MAN2B1: variants seen among roughly 807,000 people sequenced by gnomAD.
MAN2B1 encodes mannosidase alpha class 2B member 1.
A neutral mutation model predicts 127.5 loss-of-function variants in MAN2B1; 99 were observed. The observed-to-expected ratio is 0.78, with a 90% CI of 0.66 to 0.92. The LOEUF (loss-of-function observed/expected upper bound fraction) is 0.92. Ranked by LOEUF, MAN2B1 falls within the 40% of genes least tolerant of loss-of-function variation. MAN2B1 has a pLI of 0.00. For synonymous variants in MAN2B1, 573 were observed against 568.8 expected, an observed-to-expected ratio of 1.01 and a Z score of -0.11; for missense variants, 1,304 against 1,384.8, an observed-to-expected ratio of 0.94 and a Z score of 0.93.
chr19:12,654,455 CACAA>C (rs1311480332), intron 14 of MAN2B1, among the ~76,000 whole-genome samples: 1 of 152,124 alleles, frequency 6.6e-6, no homozygotes, highest in African/African-American at 2.4e-5. Flanking sequence ...GTCTGTTCCC[CACAA>C]CAGCCAGAGC....
At position 12,647,268 on chromosome 19, in the gene MAN2B1, TC is replaced by T. The variant is rs2145220124; in HGVS notation, c.2887del (p.Glu963ArgfsTer70). On this transcript the variant is annotated frameshift_variant, in exon 23 of 24. Transcript: ENST00000456935. LOFTEE classifies it low-confidence loss of function (END_TRUNC). The surrounding 1 kb of genome is among the most constrained non-coding windows in gnomAD (Gnocchi z 4.9). ...TGTCCACTTGAGCCTGGAGGCTGCC[TC>T]GCGGAGCTGGTTGGCCACCAGCGTG... ...ETTLVANQLR[E>X]AASRLKWTTN... The T allele has an allele frequency of 1.9e-6, 3 of 1,614,056 alleles. No homozygotes were observed. Among genetic ancestry groups the T allele is most frequent in the Non-Finnish European group, 2.5e-6 (3 of 1,179,988 alleles).
intron 7 of MAN2B1, among the ~76,000 whole-genome samples, chr19:12,659,483 A>G (rs543071748): frequency 2.6e-5 from 4 of 151,856 alleles, no homozygotes; most frequent in Non-Finnish European, 5.9e-5. Context: ...TAGTATTTTT[A>G]GTAGAGACAA....
Position 12,665,526 on chromosome 19 carries a change from C to T in MAN2B1, c.263-1G>A, listed in dbSNP as rs752784885. Reference sequence around the variant, plus strand: ...CCGGCGTGCTGGATGTCATTCTTGACTGTGGATAACAGGGATAAGGCTCTC... The same window carrying T: ...CCGGCGTGCTGGATGTCATTCTTGATTGTGGATAACAGGGATAAGGCTCTC... On this transcript the variant is annotated splice_acceptor_variant, in intron 2 of 23. Transcript: ENST00000456935. LOFTEE classifies it high-confidence loss of function. The T allele has an allele frequency of 6.2e-7, 1 of 1,614,048 alleles. No homozygotes were observed. The highest frequency in any genetic ancestry group is 8.5e-7 in the Non-Finnish European group (1 of 1,180,038).
rs2023725625 is a variant in MAN2B1 at position 12,647,645 on chromosome 19, A to AT, written c.2665-48dup. 1.3e-6 allele frequency: 2 copies of AT among 1,509,848 alleles called. No individual in the cohort carries two copies. Among genetic ancestry groups the AT allele is most frequent in the East Asian group, 2.4e-5 (1 of 41,508 alleles). 93.5% of individuals were successfully genotyped at this position (1,509,848 alleles called of 1,614,324 possible). A position where few individuals can be genotyped will look rare whatever the true frequency, so the allele number is the denominator to read the frequency against. On this transcript the variant is annotated intron_variant, in intron 21 of 23. Coordinates refer to ENST00000456935, the MANE Select transcript of MAN2B1 (RefSeq NM_000528.4). The surrounding 1 kb of genome is among the most constrained non-coding windows in gnomAD (Gnocchi z 4.9). The stretch of plus-strand genomic sequence containing the variant: ...TGAGTTGGAGAGGGGCGGGGCCTGG[A>AT]TGGAGAAGGGCGGGGCCGAGCCAGG...
chr19:12,657,652 A>C, intron 10 of MAN2B1, 97 bp from the exon 11 acceptor site: 1 of 1,108,018 alleles, frequency 9.0e-7, no homozygotes. Flanking sequence ...GGATTCTTAG[A>C]GGCTTTAAGA....
intron 13 of MAN2B1, 65 bp from the exon 14 acceptor site, chr19:12,655,944 C>T (rs1363833596): frequency 3.7e-5 from 50 of 1,367,872 alleles, no homozygotes; most frequent in Non-Finnish European, 5.0e-5. Flanking sequence ...TGCATGGAGA[C>T]AAAAAACTCA....
intron 7 of MAN2B1, among the ~76,000 whole-genome samples, chr19:12,659,336 C>G (rs1024284144): frequency 1.4e-4 from 20 of 138,322 alleles, no homozygotes; most frequent in African/African-American, 4.6e-4. Context: ...GAGTCTGACT[C>G]TGTCGCCCAA....
intron 1 of MAN2B1, 143 bp downstream of exon 1, chr19:12,666,400 G>A: frequency 2.2e-6 from 2 of 922,150 alleles, no homozygotes; most frequent in Non-Finnish European, 1.7e-6. Context: ...ACCTCGCAAT[G>A]ACACAAAGCA....
chr19:12,654,921 C>T (rs1368984800), intron 14 of MAN2B1, among the ~76,000 whole-genome samples: 2 of 152,182 alleles, frequency 1.3e-5, no homozygotes, highest in African/African-American at 4.8e-5. Context: ...CCACCTCAGC[C>T]TCCCGTGGTG....
Position 12,652,453 on chromosome 19 carries a change from C to T in MAN2B1, c.1838G>A (p.Arg613Gln), listed in dbSNP as rs543222535. The T allele has an allele frequency of 1.6e-4, 257 of 1,613,658 alleles. 1 individual carries two copies. In the South Asian group the frequency reaches 1.9e-3, roughly 12 times the overall value. The stretch of plus-strand genomic sequence containing the variant: ...CCCTGTGTCAGGATCAAACGTTGCC[C>T]GGATGTGCTGGGCAGAAAAGGGTCC... ...PALTIENEHI[R>Q]ATFDPDTGLL... The change falls in exon 15 of 24, where the codon CGG becomes CAG. Residue 613 changes from arginine (R) to glutamine (Q), a missense_variant. Coordinates refer to ENST00000456935, the MANE Select transcript of MAN2B1 (RefSeq NM_000528.4).
Position 12,663,352 on chromosome 19 carries a change from G to C in MAN2B1, c.874C>G (p.Leu292Val). The change falls in exon 6 of 24, where the codon CTG becomes GTG. Residue 292 changes from leucine (L) to valine (V), a missense_variant. Leu to Val is a conservative substitution (Grantham distance 32, BLOSUM62 1). Transcript: ENST00000456935. ...GCCACATTTAGGAAGTAATCGACCA[G>C]CTCCTTGGCGTTGTACTCGGGGCTG... ...PRSPEYNAKELVDYFLNVATA... is the reference protein window; with the variant it reads ...PRSPEYNAKEVVDYFLNVATA... 6.2e-7 allele frequency: 1 copy of C among 1,614,228 alleles called. No homozygotes were observed. The highest frequency in any genetic ancestry group is 8.5e-7 in the Non-Finnish European group (1 of 1,180,040).
chr19:12,649,476 T>TA, intron 18 of MAN2B1, 48 bp from the exon 19 acceptor site: 39 of 653,502 alleles, frequency 6.0e-5, no homozygotes, highest in Non-Finnish European at 8.6e-5. Context: ...GCTCCCCAAC[T>TA]CTTTTTTTTT....
Position 12,661,824 on chromosome 19 carries a change from GA to G in MAN2B1, c.910-449del, listed in dbSNP as rs541166219. Among the ~76,000 whole-genome samples, 470 of 130,938 alleles carry G rather than the reference GA, an allele frequency of 3.6e-3. 6 individuals carry two copies. The South Asian group carries it at 0.057, about 16-fold the overall frequency. 85.9% of individuals were successfully genotyped at this position (130,938 alleles called of 152,430 possible). A position where few individuals can be genotyped will look rare whatever the true frequency, so the allele number is the denominator to read the frequency against. Reference sequence around the variant, plus strand: ...GCCACACAGCAAGACCCTGTCTCAAGAAAAAAAAAAAAAATTAATCTAAAAC... The same window carrying G: ...GCCACACAGCAAGACCCTGTCTCAAGAAAAAAAAAAAAATTAATCTAAAAC... On this transcript the variant is annotated intron_variant, in intron 6 of 23. Transcript: ENST00000456935.
intron 4 of MAN2B1, among the ~76,000 whole-genome samples, chr19:12,664,219 G>A (rs1293094990): frequency 1.3e-5 from 2 of 152,118 alleles, no homozygotes; most frequent in African/African-American, 4.8e-5. Context: ...GCAAGACCCT[G>A]TCTCAAAAAA....
In MAN2B1 at chr19:12,665,824, C is replaced by T. The variant is rs760972081; in HGVS notation, c.160-19G>A. The T allele has an allele frequency of 4.4e-6, 7 of 1,595,760 alleles. No homozygotes were observed. The highest frequency in any genetic ancestry group is 5.2e-6 in the Non-Finnish European group (6 of 1,164,560). ...GGCATGTCTGCACAGGGACCCCAAACACACATACCTTGTCAATAACCCCCG... is the reference window on the plus strand; with the variant it reads ...GGCATGTCTGCACAGGGACCCCAAATACACATACCTTGTCAATAACCCCCG... On this transcript the variant is annotated intron_variant, in intron 1 of 23. Transcript: ENST00000456935.
rs2023728844 is a variant in MAN2B1, at chr19:12,647,758, G to A, written c.2665-160C>T. ...GAGGAGCGGCCAGGGCCGTGACAGGGAGGACTGAGCCAATGGGGAGATGGG... is the reference window on the plus strand; with the variant it reads ...GAGGAGCGGCCAGGGCCGTGACAGGAAGGACTGAGCCAATGGGGAGATGGG... On this transcript the variant is annotated intron_variant, in intron 21 of 23. Transcript: ENST00000456935. The surrounding 1 kb of genome is among the most constrained non-coding windows in gnomAD (Gnocchi z 4.9). The A allele has an allele frequency of 1.5e-6, 1 of 645,784 alleles. No homozygotes were observed. The highest frequency in any genetic ancestry group is 2.7e-6 in the Non-Finnish European group (1 of 376,656). The allele number at this position is 645,784 out of a possible 1,614,324, so 40.0% of individuals were successfully genotyped here.
At chr19:12,665,624 C>G (rs879058370) in intron 2 of MAN2B1, 79 bp downstream of exon 2, 37 of 1,571,760 alleles carry the variant, frequency 2.4e-5, no homozygotes, top group Non-Finnish European at 3.1e-5. Context: ...GTAGCACTGG[C>G]CCCACCCTAA....
chr19:12,653,804 C>T, intron 14 of MAN2B1, among the ~76,000 whole-genome samples: 1 of 151,832 alleles, frequency 6.6e-6, no homozygotes, highest in Non-Finnish European at 1.5e-5. Flanking sequence ...CTGCAACCTC[C>T]ACCTCCTGGG....
rs762092637 is a variant in MAN2B1 at position 12,666,560 on chromosome 19, G to A, written c.142C>T (p.Arg48Trp). Residue 48 changes from arginine to tryptophan, a missense_variant, in exon 1 of 24, where the codon CGG becomes TGG. Arg to Trp is a moderately radical substitution (Grantham distance 101). Transcript: ENST00000456935. Reference protein sequence around the residue: ...FLLLLAAAGARAGGYETCPTV... With the variant: ...FLLLLAAAGAWAGGYETCPTV... ...CCACTCACCTCGTATCCCCCGGCCC[G>A]AGCACCGGCAGCCGCCAGCAACAAA... is the stretch of plus-strand genomic sequence containing the variant. The A allele has an allele frequency of 1.3e-6, 2 of 1,585,526 alleles. No individual in the cohort carries two copies. Among genetic ancestry groups the A allele is most frequent in the Non-Finnish European group, 8.6e-7 (1 of 1,166,514 alleles).
Sources: allele counts gnomAD v4.1 joint callset (sites outside exome capture counted in the v4.1 genomes callset), GRCh38; gene constraint gnomAD v4.1.1; non-coding constraint Gnocchi (gnomAD v3.1); transcripts MANE v1.5; gene names NCBI Gene and HGNC (gene_info 2026-07-23, HGNC 2026-07-21).